The following BANK1 variants were observed in gnomAD, a reference collection of about 807,000 sequenced individuals.
BANK1 encodes the protein B-cell scaffold protein with ankyrin repeats.
A neutral mutation model predicts 94.5 loss-of-function variants in BANK1; 95 were observed. The observed-to-expected ratio is 1.00, with a 90% CI of 0.85 to 1.19. The LOEUF (loss-of-function observed/expected upper bound fraction) is 1.19. Among genes scored for constraint, BANK1 ranks in the 50% most tolerant of loss-of-function variants. The pLI, the probability that BANK1 is intolerant of heterozygous loss-of-function variation, is 0.00. For synonymous variants in BANK1, 334 were observed against 308.4 expected (o/e 1.08, Z -0.87); for missense variants, 987 against 932.2 (o/e 1.06, Z -0.77).
chr4:101,813,109 T>G (rs924466902), intron 1 of BANK1, among the ~76,000 whole-genome samples: 1 of 152,144 alleles, frequency 6.6e-6, no homozygotes, highest in Non-Finnish European at 1.5e-5. Context: ...AACATCATAT[T>G]TGTATTTATA....
chr4:101,904,698 A>G (rs1350748824), intron 6 of BANK1, among the ~76,000 whole-genome samples: 2 of 152,172 alleles, frequency 1.3e-5, no homozygotes, highest in Non-Finnish European at 2.9e-5. Flanking sequence ...CCATTGTTGT[A>G]ATAAATCTCT....
rs1724828507 is a variant in BANK1 at position 101,968,234 on chromosome 4, C to T, written c.1206+50045C>T. On this transcript the variant is annotated intron_variant, in intron 7 of 16. Coordinates refer to ENST00000322953, the MANE Select transcript of BANK1 (RefSeq NM_017935.5). ...TCAGCAAGAAATAGCTTGATTTAAC[C>T]TTTGGGAAGGGAATGTTATATGACA... Among the ~76,000 whole-genome samples, 3 of 152,060 alleles carry T rather than the reference C, an allele frequency of 2.0e-5. No homozygotes were observed. In the South Asian group the frequency reaches 6.2e-4, roughly 32 times the overall value.
intron 7 of BANK1, among the ~76,000 whole-genome samples, chr4:101,966,349 C>T (rs1224797321): frequency 6.6e-6 from 1 of 151,912 alleles, no homozygotes; most frequent in South Asian, 2.1e-4. Flanking sequence ...TGCCAGGGAG[C>T]AAGGCATTGG....
At chr4:101,975,780 C>T (rs191380600) in intron 7 of BANK1, among the ~76,000 whole-genome samples, 17 of 152,144 alleles carry the variant, frequency 1.1e-4, no homozygotes, top group Middle Eastern at 3.4e-3. Context: ...GTAATGAGCA[C>T]AGATCAAGGA....
chr4:102,003,057 A>T (rs1351691549), intron 7 of BANK1, among the ~76,000 whole-genome samples: 5 of 152,154 alleles, frequency 3.3e-5, no homozygotes. Context: ...TACCGTGCCC[A>T]GCCTGCTAGT....
rs570363809 is a variant in BANK1, at chr4:101,892,379, A to T, written c.904-2926A>T. The stretch of plus-strand genomic sequence containing the variant: ...TTATTCCCTCATCTGGAACTAAAAA[A>T]ATTTTCTTGGGAGTAGTCTAACACT... On this transcript the variant is annotated intron_variant, in intron 5 of 16. Transcript: ENST00000322953. Among the ~76,000 whole-genome samples the T allele has an allele frequency of 5.3e-5, 8 of 151,644 alleles. No homozygotes were observed. The South Asian group carries it at 1.7e-3, about 31-fold the overall frequency.
At chr4:101,810,109 G>C (rs1196144947) in intron 1 of BANK1, among the ~76,000 whole-genome samples, 1 of 152,170 alleles carries the variant, frequency 6.6e-6, no homozygotes, top group Non-Finnish European at 1.5e-5. Flanking sequence ...CAGTATCACT[G>C]GCTTGAAGCT....
intron 7 of BANK1, among the ~76,000 whole-genome samples, chr4:101,958,351 T>C (rs1257461401): frequency 1.3e-5 from 2 of 151,890 alleles, no homozygotes; most frequent in Non-Finnish European, 2.9e-5. Flanking sequence ...GAATAGTAAA[T>C]TAAATAGCTG....
At chr4:102,054,405 G>A (rs1728158307) in intron 11 of BANK1, among the ~76,000 whole-genome samples, 1 of 151,888 alleles carries the variant, frequency 6.6e-6, no homozygotes, top group African/African-American at 2.4e-5. Flanking sequence ...TGTTAGAAGG[G>A]GATTATTTAC....
intron 5 of BANK1, among the ~76,000 whole-genome samples, chr4:101,873,115 C>G (rs1485875121): frequency 1.7e-5 from 2 of 119,464 alleles, no homozygotes; most frequent in East Asian, 2.2e-4. Context: ...GCTACTCAGC[C>G]ATTTTTTTTA....
At chr4:101,928,479 CAG>C (rs990575561) in intron 7 of BANK1, among the ~76,000 whole-genome samples, 3 of 151,616 alleles carry the variant, frequency 2.0e-5, no homozygotes, top group Non-Finnish European at 4.4e-5. Flanking sequence ...ATCGTAAACT[CAG>C]ATCCCTGATT....
At chr4:101,949,789 G>A (rs887390705) in intron 7 of BANK1, among the ~76,000 whole-genome samples, 3 of 152,092 alleles carry the variant, frequency 2.0e-5, no homozygotes, top group African/African-American at 7.2e-5. Context: ...TCATCAGAGT[G>A]CCTCTCATTA....
intron 7 of BANK1, among the ~76,000 whole-genome samples, chr4:101,941,802 C>T (rs936441931): frequency 2.0e-5 from 3 of 151,570 alleles, no homozygotes; most frequent in Non-Finnish European, 4.4e-5. Context: ...AATTGTATTC[C>T]ATATTTTTCA....
At chr4:101,947,309 A>ATATATATATATATATATATATATATATG (rs1176507515) in intron 7 of BANK1, among the ~76,000 whole-genome samples, 1,160 of 67,344 alleles carry the variant, frequency 0.017, 113 homozygotes, top group Middle Eastern at 0.029. Flanking sequence ...ATATATATAT[A>ATATATATATATATATATATATATATATG]TATGTATATG....
At chr4:101,888,531 T>C (rs1482830285) in intron 5 of BANK1, among the ~76,000 whole-genome samples, 2 of 152,216 alleles carry the variant, frequency 1.3e-5, no homozygotes, top group Admixed American at 6.5e-5. Context: ...GATTTTATCC[T>C]TCTCTCCACG....
intron 3 of BANK1, among the ~76,000 whole-genome samples, chr4:101,860,502 C>A (rs552908813): frequency 6.6e-6 from 1 of 152,052 alleles, no homozygotes; most frequent in Non-Finnish European, 1.5e-5. Context: ...GTGATCTCGG[C>A]TCACTGCAAC....
chr4:101,838,151 G>A (rs1201160377), intron 2 of BANK1, among the ~76,000 whole-genome samples: 1 of 152,074 alleles, frequency 6.6e-6, no homozygotes, highest in Non-Finnish European at 1.5e-5. Flanking sequence ...TAGACACGGG[G>A]TTTCACCATG....
At chr4:101,804,845 G>A (rs989622019) in intron 1 of BANK1, among the ~76,000 whole-genome samples, 3 of 152,168 alleles carry the variant, frequency 2.0e-5, no homozygotes, top group Admixed American at 2.0e-4. Context: ...TTGAGTTTTT[G>A]AGGAATCAAA....
chr4:101,980,238 G>C (rs985927159), intron 7 of BANK1, among the ~76,000 whole-genome samples: 1 of 151,586 alleles, frequency 6.6e-6, no homozygotes, highest in African/African-American at 2.4e-5. Flanking sequence ...AATTCTGCTA[G>C]GTTTTTCATA....
Sources: allele counts gnomAD v4.1 joint callset (sites outside exome capture counted in the v4.1 genomes callset), GRCh38; gene constraint gnomAD v4.1.1; transcripts MANE v1.5; gene names NCBI Gene and HGNC (gene_info 2026-07-23, HGNC 2026-07-21).